The following SUGCT variants were observed in gnomAD, a reference collection of about 807,000 sequenced individuals.
The protein encoded by SUGCT is succinyl-CoA:glutarate CoA-transferase.
SUGCT carries 41 observed loss-of-function variants against 55.0 expected under a neutral mutation model. The ratio of observed to expected loss-of-function variants is 0.74; its 90% CI spans 0.58 to 0.97. The LOEUF (loss-of-function observed/expected upper bound fraction) is 0.97. Among genes scored for constraint, SUGCT ranks in the 50% least tolerant of loss-of-function variants. The pLI is 0.00. For missense variants in SUGCT, 568 were observed against 547.8 expected (o/e 1.04, Z -0.37); for synonymous variants, 187 against 200.4 (o/e 0.93, Z 0.56).
the SUGCT span, among the ~76,000 whole-genome samples, chr7:41,038,704 G>A: frequency 1.3e-5 from 2 of 152,036 alleles, no homozygotes; most frequent in Non-Finnish European, 2.9e-5. Context: ...AATCAATGAA[G>A]GCCAAATCTC....
At chr7:40,693,714 C>T (rs1454495221) in intron 12 of SUGCT, among the ~76,000 whole-genome samples, 3 of 152,298 alleles carry the variant, frequency 2.0e-5, no homozygotes, top group Non-Finnish European at 4.4e-5. Flanking sequence ...TGATGTTCAG[C>T]GTATTCCTCA....
chr7:40,451,461 G>C (rs1465790134), intron 10 of SUGCT, among the ~76,000 whole-genome samples: 1 of 152,160 alleles, frequency 6.6e-6, no homozygotes, highest in African/African-American at 2.4e-5. Context: ...ATGACTTATT[G>C]TTATGGTGTG....
At chr7:40,379,333 C>G (rs1299683338) in intron 9 of SUGCT, among the ~76,000 whole-genome samples, 2 of 152,174 alleles carry the variant, frequency 1.3e-5, no homozygotes, top group East Asian at 3.8e-4. Context: ...GCAGTCTAGT[C>G]TAGTCTTTGT....
At chr7:40,174,421 C>T (rs750975695) in intron 1 of SUGCT, among the ~76,000 whole-genome samples, 2 of 152,136 alleles carry the variant, frequency 1.3e-5, no homozygotes, top group Non-Finnish European at 2.9e-5. Context: ...CCACACCTGG[C>T]TAAGAATATT....
chr7:40,615,339 A>ACAT (rs1478776565), intron 12 of SUGCT, among the ~76,000 whole-genome samples: 1 of 152,200 alleles, frequency 6.6e-6, no homozygotes, highest in Non-Finnish European at 1.5e-5. Context: ...TGTTTTCTGG[A>ACAT]CATTCCCACC....
In SUGCT at chr7:40,215,780, T is replaced by G. The variant is rs548700201; in HGVS notation, c.484+20720T>G. 3.9e-3 allele frequency among the ~76,000 whole-genome samples: 594 copies of G among 151,264 alleles called. 3 individuals carry two copies. Among genetic ancestry groups the G allele is most frequent in the African/African-American group, 0.013 (546 of 41,170 alleles). ...GGGAGGCTGAGGCAGGAGAATGGTG[T>G]GAACCCGGGAGGCGGAGCTTGCAGT... On this transcript the variant is annotated intron_variant, in intron 6 of 13. Coordinates refer to ENST00000335693, the MANE Select transcript of SUGCT (RefSeq NM_001193313.2).
chr7:40,798,497 A>G (rs1047982793), intron 13 of SUGCT, among the ~76,000 whole-genome samples: 3 of 152,204 alleles, frequency 2.0e-5, no homozygotes, highest in African/African-American at 7.2e-5. Context: ...TTTTGTTGAC[A>G]GCAGTGAAAG....
chr7:40,988,479 A>AAAC, the SUGCT span, among the ~76,000 whole-genome samples: 4 of 151,812 alleles, frequency 2.6e-5, no homozygotes, highest in African/African-American at 9.7e-5. Context: ...AGATTGGCAT[A>AAAC]AACTACTGAG....
At chr7:40,933,701 A>G in the SUGCT span, among the ~76,000 whole-genome samples, 2 of 152,178 alleles carry the variant, frequency 1.3e-5, no homozygotes, top group African/African-American at 2.4e-5. Flanking sequence ...AGTCACTGAT[A>G]TCCTTTCTTC....
chr7:40,826,854 C>A (rs188196735), intron 13 of SUGCT, among the ~76,000 whole-genome samples: 97 of 152,240 alleles, frequency 6.4e-4, no homozygotes, highest in African/African-American at 2.2e-3. Context: ...AAGTGCTGAG[C>A]AGGAAAGAGC....
chr7:40,528,980 C>T (rs959884928), intron 12 of SUGCT, among the ~76,000 whole-genome samples: 1 of 152,074 alleles, frequency 6.6e-6, no homozygotes, highest in African/African-American at 2.4e-5. Flanking sequence ...GGTATTCTTA[C>T]AAATTAGAAC....
the SUGCT span, among the ~76,000 whole-genome samples, chr7:40,905,979 C>G: frequency 6.6e-6 from 1 of 152,112 alleles, no homozygotes; most frequent in Non-Finnish European, 1.5e-5. Context: ...CCGCCTTGGC[C>G]TCCCAAAGTG....
intron 9 of SUGCT, among the ~76,000 whole-genome samples, chr7:40,447,804 C>G (rs1788930784): frequency 6.6e-6 from 1 of 151,874 alleles, no homozygotes; most frequent in Admixed American, 6.6e-5. Context: ...AGTCTTTTTT[C>G]TTAAAGGGAG....
chr7:40,675,910 T>G (rs1420909499), intron 12 of SUGCT, among the ~76,000 whole-genome samples: 1 of 152,104 alleles, frequency 6.6e-6, no homozygotes, highest in East Asian at 1.9e-4. Context: ...TATGAACAAG[T>G]ATAGACAAGA....
the SUGCT span, among the ~76,000 whole-genome samples, chr7:40,914,411 G>C: frequency 6.6e-6 from 1 of 151,930 alleles, no homozygotes; most frequent in Non-Finnish European, 1.5e-5. Context: ...TTAGGACAAG[G>C]CTGATGAGAC....
At chr7:40,650,325 A>AG (rs1179888679) in intron 12 of SUGCT, among the ~76,000 whole-genome samples, 5 of 152,088 alleles carry the variant, frequency 3.3e-5, no homozygotes, top group Non-Finnish European at 7.4e-5. Flanking sequence ...CTGTGCTCAA[A>AG]GGGGGGGATT....
At chr7:40,661,954 G>A (rs1801349567) in intron 12 of SUGCT, among the ~76,000 whole-genome samples, 1 of 152,172 alleles carries the variant, frequency 6.6e-6, no homozygotes, top group African/African-American at 2.4e-5. Flanking sequence ...AGCTCAGTCT[G>A]CAACTAAGGT....
intron 12 of SUGCT, among the ~76,000 whole-genome samples, chr7:40,638,656 T>C (rs948534293): frequency 1.1e-4 from 16 of 152,194 alleles, no homozygotes; most frequent in African/African-American, 3.9e-4. Flanking sequence ...ATTTGCTCCA[T>C]CCTTGTGTGC....
intron 9 of SUGCT, among the ~76,000 whole-genome samples, chr7:40,378,920 A>G (rs575872903): frequency 2.0e-5 from 3 of 152,322 alleles, no homozygotes; most frequent in Admixed American, 2.0e-4. Flanking sequence ...CCTGGCTTAT[A>G]TGAGAAAAGT....
Sources: allele counts gnomAD v4.1 joint callset (sites outside exome capture counted in the v4.1 genomes callset), GRCh38; gene constraint gnomAD v4.1.1; transcripts MANE v1.5; gene names NCBI Gene and HGNC (gene_info 2026-07-23, HGNC 2026-07-21).